The following EML4 variants were observed in gnomAD, a reference collection of about 807,000 sequenced individuals.
The protein encoded by EML4 is echinoderm microtubule-associated protein-like 4.
EML4 carries 72 observed loss-of-function variants against 129.0 expected under a neutral mutation model. That is an observed-to-expected ratio of 0.56 (90% CI 0.46 to 0.68). EML4 has a LOEUF of 0.68. Ranked by LOEUF, EML4 falls within the 30% of genes least tolerant of loss-of-function variation. EML4 has a pLI of 0.00. For missense variants in EML4, 1,363 were observed against 1,190.6 expected (o/e 1.14, Z -2.13); for synonymous variants, 532 against 405.0 (o/e 1.31, Z -3.77).
intron 1 of EML4, among the ~76,000 whole-genome samples, chr2:42,175,996 CTT>C (rs200720798): frequency 2.8e-5 from 4 of 143,488 alleles, no homozygotes; most frequent in Non-Finnish European, 3.1e-5. Flanking sequence ...GGATCCTAAC[CTT>C]TTTTTTTTTT....
chr2:42,256,658 T>A (rs1676172148), intron 3 of EML4, 28 bp downstream of exon 3: 3 of 1,612,244 alleles, frequency 1.9e-6, no homozygotes, highest in Non-Finnish European at 2.5e-6. Flanking sequence ...GGGGAAAAAC[T>A]AACATTGCAG....
chr2:42,178,049 AATC>A (rs1411904316), intron 1 of EML4, among the ~76,000 whole-genome samples: 1 of 152,220 alleles, frequency 6.6e-6, no homozygotes, highest in Non-Finnish European at 1.5e-5. Context: ...AATCAGAAGT[AATC>A]ATTGCGGGCT....
chr2:42,211,768 TG>T (rs1471434741), intron 1 of EML4, among the ~76,000 whole-genome samples: 2 of 152,166 alleles, frequency 1.3e-5, no homozygotes, highest in African/African-American at 4.8e-5. Context: ...CTTGTCTTGG[TG>T]GGTAATGTAA....
At chr2:42,169,748 C>A in intron 1 of EML4, 112 bp downstream of exon 1, 1 of 1,260,774 alleles carries the variant, frequency 7.9e-7, no homozygotes, top group East Asian at 2.8e-5. Context: ...GCAGCGGCTC[C>A]ACTGCACATG....
In EML4 at chr2:42,169,543, C is replaced by A. The variant is rs1057035497; in HGVS notation, c.-69C>A. The stretch of plus-strand genomic sequence containing the variant: ...ACGAGCGGGTCAGGCTCAGCGTCGG[C>A]CACTCTGTCGGTCCGCTGAATGAAG... On this transcript the variant is annotated 5_prime_UTR_variant, in exon 1 of 23. Coordinates refer to ENST00000318522, the MANE Select transcript of EML4 (RefSeq NM_019063.5). 57 of 1,553,350 alleles carry A rather than the reference C, an allele frequency of 3.7e-5. No homozygotes were observed. The Admixed American group carries it at 1.0e-3, about 28-fold the overall frequency.
intron 1 of EML4, among the ~76,000 whole-genome samples, chr2:42,174,631 C>G (rs937930517): frequency 6.6e-6 from 1 of 151,996 alleles, no homozygotes; most frequent in African/African-American, 2.4e-5. Context: ...ATCTCTTGTC[C>G]TTTAGCTGTC....
Position 42,329,911 on chromosome 2 carries a change from GCCC to G in EML4, c.2653_2655del (p.Pro885del). 6.2e-7 allele frequency: 1 copy of G among 1,613,884 alleles called. No homozygotes were observed. The highest frequency in any genetic ancestry group is 8.5e-7 in the Non-Finnish European group (1 of 1,179,994). ...TGTAGCGGATACTACTCTAACCAAA[GCCC>G]CCGTCTCTTCCACTGAAAGTGTCAT... is the stretch of plus-strand genomic sequence containing the variant. On this transcript the variant is annotated inframe_deletion, in exon 23 of 23. Transcript: ENST00000318522.
At chr2:42,223,269 G>C (rs192935651) in intron 1 of EML4, among the ~76,000 whole-genome samples, 3 of 152,036 alleles carry the variant, frequency 2.0e-5, no homozygotes, top group African/African-American at 7.2e-5. Flanking sequence ...TAGTGATTAC[G>C]TAAAGATTAC....
At chr2:42,264,147 G>T (rs988559729) in intron 5 of EML4, among the ~76,000 whole-genome samples, 2 of 118,586 alleles carry the variant, frequency 1.7e-5, no homozygotes, top group African/African-American at 6.3e-5. Context: ...TGTCTCAGTC[G>T]TCCAGGCTGG....
intron 17 of EML4, among the ~76,000 whole-genome samples, chr2:42,309,484 C>G (rs1304691905): frequency 3.4e-5 from 5 of 145,144 alleles, no homozygotes; most frequent in South Asian, 2.2e-4. Flanking sequence ...CAAACTTTTT[C>G]ACAGCAGCCG....
intron 9 of EML4, among the ~76,000 whole-genome samples, chr2:42,285,586 C>CTTTTTT (rs70963307): frequency 1.4e-5 from 2 of 145,928 alleles, no homozygotes. Flanking sequence ...CTGACTCCAC[C>CTTTTTT]TTTTTTTTTT....
intron 1 of EML4, among the ~76,000 whole-genome samples, chr2:42,194,021 T>C (rs987182129): frequency 6.6e-6 from 1 of 152,234 alleles, no homozygotes; most frequent in Non-Finnish European, 1.5e-5. Flanking sequence ...CATTACTTTA[T>C]TGTGAAATAG....
At chr2:42,218,063 C>G (rs1558511175) in intron 1 of EML4, among the ~76,000 whole-genome samples, 1 of 152,134 alleles carries the variant, frequency 6.6e-6, no homozygotes, top group Non-Finnish European at 1.5e-5. Flanking sequence ...GGAACTGGGT[C>G]ACACAGCAGG....
chr2:42,276,178 T>G (rs993943172), intron 6 of EML4, among the ~76,000 whole-genome samples: 4 of 152,262 alleles, frequency 2.6e-5, no homozygotes, highest in Admixed American at 1.3e-4. Context: ...CAAACTGGTG[T>G]TGTGTGCAGG....
intron 1 of EML4, among the ~76,000 whole-genome samples, chr2:42,239,014 C>G (rs938208543): frequency 6.6e-6 from 1 of 152,176 alleles, no homozygotes; most frequent in Non-Finnish European, 1.5e-5. Flanking sequence ...CGCAATCATC[C>G]TGCCTCAACG....
chr2:42,273,237 CT>C (rs1451970774), intron 6 of EML4, among the ~76,000 whole-genome samples: 2 of 152,040 alleles, frequency 1.3e-5, no homozygotes, highest in Admixed American at 1.3e-4. Flanking sequence ...CATATTTTGC[CT>C]ACAGAAAAGT....
chr2:42,169,887 C>A, intron 1 of EML4: 1 of 415,822 alleles, frequency 2.4e-6, no homozygotes, highest in Non-Finnish European at 4.3e-6. Flanking sequence ...CCCTCGTTCC[C>A]CCAAAGTGGG....
chr2:42,300,577 A>G (rs989940082), intron 13 of EML4, among the ~76,000 whole-genome samples: 7 of 152,178 alleles, frequency 4.6e-5, no homozygotes, highest in African/African-American at 1.7e-4. Flanking sequence ...TAGTAGGTCA[A>G]AAGCCATCAC....
intron 11 of EML4, among the ~76,000 whole-genome samples, chr2:42,292,299 A>G (rs1361821624): frequency 6.6e-6 from 1 of 152,238 alleles, no homozygotes; most frequent in African/African-American, 2.4e-5. Flanking sequence ...CTCGGCAGAA[A>G]TATATACATG....
Sources: gnomAD v4.1 joint callset for allele counts (sites outside exome capture counted in the v4.1 genomes callset) on GRCh38, gnomAD v4.1.1 for gene constraint, MANE v1.5 for transcripts, NCBI Gene and HGNC (gene_info 2026-07-23, HGNC 2026-07-21) for gene names.